HDAC4: variants seen among roughly 807,000 people sequenced by gnomAD.
The protein encoded by HDAC4 is histone deacetylase A.
HDAC4 carries 16 observed loss-of-function variants against 135.1 expected under a neutral mutation model. That is an observed-to-expected ratio of 0.12 (90% confidence interval 0.08 to 0.18). The LOEUF (loss-of-function observed/expected upper bound fraction) is 0.18, where lower values mean the gene tolerates loss of function less well. Ranked by LOEUF, HDAC4 falls within the 10% of genes least tolerant of loss-of-function variation. The probability of loss-of-function intolerance (pLI) is 1.00; values close to 1 mark genes in which losing one functional copy is unlikely to be tolerated. For missense variants in HDAC4, 1,143 were observed against 1,511.8 expected, an observed-to-expected ratio of 0.76 and a Z score of 4.05; for synonymous variants, 685 against 653.4, an observed-to-expected ratio of 1.05 and a Z score of -0.74.
At chr2:239,348,996 G>T (rs962720665) in intron 2 of HDAC4, among the ~76,000 whole-genome samples, 19 of 152,220 alleles carry the variant, frequency 1.2e-4, no homozygotes, top group African/African-American at 4.6e-4. Flanking sequence ...TGCACTAGAA[G>T]GGCACTTCAT....
In HDAC4 at chr2:239,307,221, C is replaced by T. The variant is rs2052644104; in HGVS notation, c.22+45457G>A. The stretch of plus-strand genomic sequence containing the variant: ...CACAAAGCCCAGGGCCTGGGGCAGG[C>T]TCCGTGCCCCAATGGTCATCCTCAG... On this transcript the variant is annotated intron_variant, in intron 2 of 26. Coordinates refer to ENST00000543185, the MANE Select transcript of HDAC4 (RefSeq NM_001378414.1). The surrounding 1 kb of genome is among the most constrained non-coding windows in gnomAD (Gnocchi z 4.8). Among the ~76,000 whole-genome samples the T allele has an allele frequency of 6.6e-6, 1 of 152,174 alleles. No individual in the cohort carries two copies. The highest frequency in any genetic ancestry group is 1.5e-5 in the Non-Finnish European group (1 of 68,022).
intron 2 of HDAC4, among the ~76,000 whole-genome samples, chr2:239,255,295 C>CTGTGTGTGTG (rs60768204): frequency 8.6e-4 from 128 of 149,702 alleles, no homozygotes; most frequent in African/African-American, 3.0e-3. Context: ...TGTTTTCTCA[C>CTGTGTGTGTG]TGTGTGTGTG....
intron 1 of HDAC4, among the ~76,000 whole-genome samples, chr2:239,398,277 A>C (rs1057177201): frequency 1.3e-5 from 2 of 152,248 alleles, no homozygotes; most frequent in African/African-American, 2.4e-5. Flanking sequence ...TGAATTCTAC[A>C]GGAGTGATGA....
chr2:239,198,863 C>T (rs1439887861), intron 3 of HDAC4, among the ~76,000 whole-genome samples: 1 of 152,162 alleles, frequency 6.6e-6, no homozygotes, highest in African/African-American at 2.4e-5. Context: ...CTCTGCTCAT[C>T]CACCACTTCC....
At chr2:239,163,286 T>A (rs76287117) in intron 6 of HDAC4, among the ~76,000 whole-genome samples, 79 of 152,290 alleles carry the variant, frequency 5.2e-4, no homozygotes, top group African/African-American at 1.7e-3. Context: ...GCACAGAGGA[T>A]TCAGACAAGA....
rs1343264415 is a variant in HDAC4, at chr2:239,351,001, C to CA, written c.22+1676dup. ...CAATAATTTTCCCATAGCACACTGA[C>CA]AAAAATGAGAGAGACTGAACCTACC... On this transcript the variant is annotated intron_variant, in intron 2 of 26. Coordinates refer to ENST00000543185, the MANE Select transcript of HDAC4 (RefSeq NM_001378414.1). Among the ~76,000 whole-genome samples, 2 of 152,158 alleles carry CA rather than the reference C, an allele frequency of 1.3e-5. 1 individual carries two copies. Among genetic ancestry groups the CA allele is most frequent in the Non-Finnish European group, 2.9e-5 (2 of 68,022 alleles).
Position 239,303,969 on chromosome 2 carries a change from T to A in HDAC4, c.22+48709A>T, listed in dbSNP as rs961902646. Among the ~76,000 whole-genome samples, 5 of 152,152 alleles carry A rather than the reference T, an allele frequency of 3.3e-5. No homozygotes were observed. Among genetic ancestry groups the A allele is most frequent in the Non-Finnish European group, 7.4e-5 (5 of 68,018 alleles). On this transcript the variant is annotated intron_variant, in intron 2 of 26. Coordinates refer to ENST00000543185, the MANE Select transcript of HDAC4 (RefSeq NM_001378414.1). This position sits in a 1 kb window ranked among gnomAD's most constrained non-coding sequence, Gnocchi z 5.1. ...GCCTCCCAGGCCTCACCAGTCTTCA[T>A]CTCAGCCCGCCAGGTCCTCTCGAGC...
chr2:239,228,703 CA>C (rs1243346492), intron 3 of HDAC4, among the ~76,000 whole-genome samples: 1 of 152,150 alleles, frequency 6.6e-6, no homozygotes, highest in Non-Finnish European at 1.5e-5. Flanking sequence ...TGAAAAATAA[CA>C]CCTTTTGAAA....
chr2:239,076,792 T>A (rs1487699947), intron 22 of HDAC4, among the ~76,000 whole-genome samples: 3 of 152,204 alleles, frequency 2.0e-5, no homozygotes, highest in African/African-American at 7.2e-5. Flanking sequence ...GATGGACACT[T>A]TCTCACTTTT....
chr2:239,087,694 CT>C, intron 18 of HDAC4, 80 bp from the exon 19 acceptor site: 2 of 1,344,034 alleles, frequency 1.5e-6, no homozygotes, highest in Non-Finnish European at 2.1e-6. Context: ...GCACACTCAA[CT>C]TTTAGCAGAG....
intron 6 of HDAC4, among the ~76,000 whole-genome samples, chr2:239,162,856 G>A (rs1449449649): frequency 6.6e-6 from 1 of 152,036 alleles, no homozygotes; most frequent in South Asian, 2.1e-4. Context: ...AGCTGTGGGG[G>A]GGTCTCACTA....
intron 3 of HDAC4, among the ~76,000 whole-genome samples, chr2:239,236,213 G>C (rs1221525767): frequency 6.6e-6 from 1 of 152,176 alleles, no homozygotes; most frequent in Admixed American, 6.5e-5. Flanking sequence ...GTCTGTCCAC[G>C]GTCACGTGGC....
At chr2:239,225,918 G>A (rs1192797972) in intron 3 of HDAC4, among the ~76,000 whole-genome samples, 1 of 152,164 alleles carries the variant, frequency 6.6e-6, no homozygotes, top group Non-Finnish European at 1.5e-5. Flanking sequence ...CTTAAAAGAT[G>A]GGCAGGTTCC....
intron 1 of HDAC4, among the ~76,000 whole-genome samples, chr2:239,355,334 T>C (rs1222396118): frequency 1.3e-5 from 2 of 152,222 alleles, no homozygotes; most frequent in Admixed American, 6.5e-5. Flanking sequence ...CGGTGACACA[T>C]CTGTTGTTTA....
intron 1 of HDAC4, among the ~76,000 whole-genome samples, chr2:239,389,736 G>A (rs924054944): frequency 6.6e-6 from 1 of 152,188 alleles, no homozygotes; most frequent in Admixed American, 6.5e-5. Context: ...GACGCTACTG[G>A]CGGCTTTCCT....
intron 3 of HDAC4, among the ~76,000 whole-genome samples, chr2:239,234,251 T>C (rs918965614): frequency 6.6e-6 from 1 of 152,158 alleles, no homozygotes; most frequent in Non-Finnish European, 1.5e-5. Flanking sequence ...CTACGTTATT[T>C]AAAATTACCC....
intron 9 of HDAC4, among the ~76,000 whole-genome samples, chr2:239,138,246 G>A (rs537021370): frequency 7.9e-5 from 12 of 152,324 alleles, no homozygotes; most frequent in Non-Finnish European, 1.2e-4. Context: ...GATGTATGAA[G>A]TAGAAAGAGT....
intron 2 of HDAC4, among the ~76,000 whole-genome samples, chr2:239,237,962 C>T (rs959957006): frequency 6.6e-6 from 1 of 152,206 alleles, no homozygotes; most frequent in African/African-American, 2.4e-5. Flanking sequence ...AACAGTTCTG[C>T]TTCCCTGGGT....
chr2:239,295,706 C>T (rs2051846884), intron 2 of HDAC4, among the ~76,000 whole-genome samples: 1 of 152,218 alleles, frequency 6.6e-6, no homozygotes, highest in Non-Finnish European at 1.5e-5. Context: ...CATTCCCGTT[C>T]AGTTTCATTT....
Sources: allele counts gnomAD v4.1 joint callset (sites outside exome capture counted in the v4.1 genomes callset), GRCh38; gene constraint gnomAD v4.1.1; non-coding constraint Gnocchi (gnomAD v3.1); transcripts MANE v1.5; gene names NCBI Gene and HGNC (gene_info 2026-07-23, HGNC 2026-07-21).